Variants in RORB observed in about 807,000 individuals in gnomAD.
The protein encoded by RORB is RAR related orphan receptor B.
Under a neutral mutation model 59.1 loss-of-function variants are expected in RORB, and 6 were observed. That is an observed-to-expected ratio of 0.10 (90% CI 0.06 to 0.20). The LOEUF (loss-of-function observed/expected upper bound fraction) is 0.20, where lower values mean the gene tolerates loss of function less well. Among genes scored for constraint, RORB ranks in the 10% least tolerant of loss-of-function variants. The probability of loss-of-function intolerance (pLI) is 1.00; values close to 1 mark genes in which losing one functional copy is unlikely to be tolerated. For missense variants in RORB, 320 were observed against 560.5 expected (o/e 0.57, Z 4.33); for synonymous variants, 215 against 204.5 (o/e 1.05, Z -0.44).
At chr9:74,535,634 C>T (rs1826311762) in intron 1 of RORB, among the ~76,000 whole-genome samples, 1 of 151,818 alleles carries the variant, frequency 6.6e-6, no homozygotes, top group African/African-American at 2.4e-5. Context: ...TAGAGAAACT[C>T]CCTTTGTCAT....
At chr9:74,647,766 T>C (rs1260968027) in intron 4 of RORB, among the ~76,000 whole-genome samples, 4 of 152,224 alleles carry the variant, frequency 2.6e-5, no homozygotes, top group Non-Finnish European at 5.9e-5. Context: ...TGTAATGTAC[T>C]ACTTCATTCT....
chr9:74,588,192 TGGGGC>T (rs1184006691), intron 1 of RORB, among the ~76,000 whole-genome samples: 1 of 152,048 alleles, frequency 6.6e-6, no homozygotes, highest in Non-Finnish European at 1.5e-5. Context: ...AGCATGATAG[TGGGGC>T]AAGCGTAATA....
At chr9:74,593,825 T>C (rs1822935453) in intron 1 of RORB, among the ~76,000 whole-genome samples, 1 of 152,178 alleles carries the variant, frequency 6.6e-6, no homozygotes, top group African/African-American at 2.4e-5. Context: ...TTATAAAGCA[T>C]GGCCATCTGG....
At chr9:74,515,088 T>A (rs1417017181) in intron 1 of RORB, among the ~76,000 whole-genome samples, 1 of 148,286 alleles carries the variant, frequency 6.7e-6, no homozygotes, top group Non-Finnish European at 1.5e-5. Context: ...ATCTGGTGTA[T>A]CTAGTGTGCT....
intron 1 of RORB, among the ~76,000 whole-genome samples, chr9:74,598,231 C>T (rs1193158886): frequency 6.6e-6 from 1 of 152,070 alleles, no homozygotes; most frequent in East Asian, 1.9e-4. Flanking sequence ...GATTAATGAC[C>T]TCTAAGGCCA....
intron 1 of RORB, among the ~76,000 whole-genome samples, chr9:74,549,950 G>A (rs1443768824): frequency 6.6e-6 from 1 of 151,890 alleles, no homozygotes; most frequent in Admixed American, 6.6e-5. Context: ...GGCTGGTCGC[G>A]AACTCCTGAC....
At chr9:74,550,338 T>A (rs972182272) in intron 1 of RORB, among the ~76,000 whole-genome samples, 3 of 152,210 alleles carry the variant, frequency 2.0e-5, no homozygotes, top group African/African-American at 7.2e-5. Flanking sequence ...TTTTCAGCCC[T>A]AAATGACTGT....
In RORB at chr9:74,660,668, C is replaced by G; in HGVS notation, c.689C>G (p.Thr230Ser). The change falls in exon 5 of 10, where the codon ACC (threonine) becomes AGC (serine). Residue 230 changes from threonine (T) to serine (S), a missense_variant. Thr to Ser is a moderately conservative substitution (Grantham distance 58, BLOSUM62 1). Transcript: ENST00000376896. ...IKSHLETCQY[T>S]MEELHQLAWQ... The stretch of plus-strand genomic sequence containing the variant: ...TCCCATTTGGAGACATGTCAATACA[C>G]CATGGAAGAGCTGCACCAGCTGGCG... The G allele has an allele frequency of 1.9e-6, 3 of 1,613,722 alleles. No individual in the cohort carries two copies. The highest frequency in any genetic ancestry group is 2.5e-6 in the Non-Finnish European group (3 of 1,179,722).
intron 1 of RORB, among the ~76,000 whole-genome samples, chr9:74,587,482 C>T (rs1204940628): frequency 2.0e-5 from 3 of 152,176 alleles, no homozygotes; most frequent in Non-Finnish European, 2.9e-5. Flanking sequence ...TACCCCAAAA[C>T]TTAGGAACCT....
rs927358406 is a variant in RORB, at chr9:74,680,482, A to G, written c.1225-4981A>G. Among the ~76,000 whole-genome samples, 54 of 152,166 alleles carry G rather than the reference A, an allele frequency of 3.5e-4. 1 individual carries two copies. The highest frequency in any genetic ancestry group is 1.2e-4 in the Non-Finnish European group (8 of 68,042). ...CAGTCTGGTTTCCTATTCCAGCCCC[A>G]GCTGAGTCAAATGTCCACTTCCATT... On this transcript the variant is annotated intron_variant, in intron 9 of 9. Transcript: ENST00000376896.
At chr9:74,554,650 T>C (rs970514907) in intron 1 of RORB, among the ~76,000 whole-genome samples, 6 of 152,146 alleles carry the variant, frequency 3.9e-5, no homozygotes, top group African/African-American at 1.4e-4. Context: ...AATACAAGCT[T>C]TCTGTTTGTT....
chr9:74,557,672 T>G (rs1322943031), intron 1 of RORB, among the ~76,000 whole-genome samples: 2 of 152,114 alleles, frequency 1.3e-5, no homozygotes, highest in East Asian at 3.9e-4. Context: ...TAACATGGCT[T>G]TCTGCAACTT....
intron 1 of RORB, among the ~76,000 whole-genome samples, chr9:74,517,916 T>C (rs990662884): frequency 1.3e-5 from 2 of 152,058 alleles, no homozygotes; most frequent in African/African-American, 4.8e-5. Flanking sequence ...ATCATCAGAA[T>C]AAACCCTTGA....
intron 4 of RORB, among the ~76,000 whole-genome samples, chr9:74,654,434 G>C (rs115631223): frequency 2.9e-3 from 438 of 152,040 alleles, no homozygotes; most frequent in Middle Eastern, 0.01. Context: ...ATGGAGGAAG[G>C]AGGTTAGGTC....
intron 1 of RORB, among the ~76,000 whole-genome samples, chr9:74,531,584 A>G (rs142535850): frequency 6.6e-6 from 1 of 152,126 alleles, no homozygotes; most frequent in South Asian, 2.1e-4. Flanking sequence ...AGGTTCAGAC[A>G]TCTAAACTTA....
chr9:74,649,007 A>C lies in RORB; in HGVS notation c.637+6192A>C, dbSNP rs375420875. On this transcript the variant is annotated intron_variant, in intron 4 of 9. Coordinates refer to ENST00000376896, the MANE Select transcript of RORB (RefSeq NM_006914.4). ...TTTCGACGGAGTCTGCCTGTCACCC[A>C]GGCTGGAGTGCAGTGGTGCGATCTT... is the stretch of plus-strand genomic sequence containing the variant. 8.6e-5 allele frequency among the ~76,000 whole-genome samples: 13 copies of C among 150,948 alleles called. No individual in the cohort carries two copies. In the East Asian group the frequency reaches 2.5e-3, roughly 29 times the overall value.
At chr9:74,562,388 G>A (rs757581282) in intron 1 of RORB, among the ~76,000 whole-genome samples, 2 of 152,128 alleles carry the variant, frequency 1.3e-5, no homozygotes, top group African/African-American at 4.8e-5. Context: ...TGAATAAATT[G>A]TTGTATCTGT....
chr9:74,581,954 A>G (rs1822731308), intron 1 of RORB, among the ~76,000 whole-genome samples: 1 of 152,132 alleles, frequency 6.6e-6, no homozygotes, highest in Admixed American at 6.6e-5. Context: ...TTAGCTCTTA[A>G]AGTCTATACT....
intron 8 of RORB, among the ~76,000 whole-genome samples, chr9:74,671,402 C>T (rs1824344154): frequency 6.6e-6 from 1 of 152,176 alleles, no homozygotes. Context: ...GGATCCTGAA[C>T]ACCAAAAATA....
Sources: gnomAD v4.1 joint callset for allele counts (sites outside exome capture counted in the v4.1 genomes callset) on GRCh38, gnomAD v4.1.1 for gene constraint, MANE v1.5 for transcripts, NCBI Gene and HGNC (gene_info 2026-07-23, HGNC 2026-07-21) for gene names.